Variants in ITPR2 observed in about 807,000 individuals in gnomAD.
ITPR2 encodes the protein inositol 1,4,5-trisphosphate receptor type 2, also known as inositol 1,4,5-trisphosphate-gated calcium channel ITPR2.
A neutral mutation model predicts 317.1 loss-of-function variants in ITPR2; 207 were observed. That is an observed-to-expected ratio of 0.65 (90% confidence interval 0.58 to 0.73). The LOEUF (loss-of-function observed/expected upper bound fraction) is 0.73, where lower values mean the gene tolerates loss of function less well. Ranked by LOEUF, ITPR2 falls within the 30% of genes least tolerant of loss-of-function variation. The pLI is 0.00. For synonymous variants in ITPR2, 1,156 were observed against 1,149.1 expected, an observed-to-expected ratio of 1.01 and a Z score of -0.12; for missense variants, 2,613 against 3,284.0, an observed-to-expected ratio of 0.80 and a Z score of 4.99.
intron 21 of ITPR2, among the ~76,000 whole-genome samples, chr12:26,646,126 G>C (rs553668922): frequency 6.6e-6 from 1 of 151,842 alleles, no homozygotes; most frequent in Non-Finnish European, 1.5e-5. Flanking sequence ...AGGTTGTTTT[G>C]CAACACACAT....
intron 26 of ITPR2, among the ~76,000 whole-genome samples, chr12:26,614,633 G>A (rs1386036119): frequency 6.6e-6 from 1 of 152,154 alleles, no homozygotes; most frequent in Non-Finnish European, 1.5e-5. Context: ...AACAAAAAAT[G>A]AGGCATTAAA....
intron 37 of ITPR2, among the ~76,000 whole-genome samples, chr12:26,499,773 G>A (rs148165768): frequency 2.5e-4 from 38 of 152,212 alleles, no homozygotes; most frequent in African/African-American, 8.9e-4. Context: ...AATAATAAAT[G>A]ATAAACTGCC....
intron 13 of ITPR2, among the ~76,000 whole-genome samples, chr12:26,680,561 T>C (rs1309885221): frequency 1.3e-5 from 2 of 152,150 alleles, no homozygotes; most frequent in South Asian, 4.2e-4. Flanking sequence ...CAGAAACTGA[T>C]AGATAAAATC....
At chr12:26,373,145 C>T (rs560556310) in intron 55 of ITPR2, among the ~76,000 whole-genome samples, 7 of 152,348 alleles carry the variant, frequency 4.6e-5, no homozygotes, top group Non-Finnish European at 1.0e-4. Flanking sequence ...CACTCTAAAA[C>T]TCCTGTCCCA....
At chr12:26,428,311 A>C (rs1444198777) in intron 48 of ITPR2, among the ~76,000 whole-genome samples, 2 of 152,152 alleles carry the variant, frequency 1.3e-5, no homozygotes, top group Non-Finnish European at 2.9e-5. Flanking sequence ...CTACTTAAAT[A>C]CTCACTAGTT....
chr12:26,606,505 A>G (rs1314255972), intron 26 of ITPR2, among the ~76,000 whole-genome samples: 5 of 151,948 alleles, frequency 3.3e-5, no homozygotes, highest in Admixed American at 2.6e-4. Context: ...CTAGGCAGAG[A>G]AACAAAGAGT....
intron 37 of ITPR2, among the ~76,000 whole-genome samples, chr12:26,526,500 T>C (rs547334137): frequency 2.6e-5 from 4 of 152,174 alleles, no homozygotes; most frequent in African/African-American, 9.7e-5. Flanking sequence ...GCCCAAGTTG[T>C]GTTGTGCAGG....
chr12:26,457,604 G>A (rs187637273), intron 45 of ITPR2, among the ~76,000 whole-genome samples: 1 of 152,314 alleles, frequency 6.6e-6, no homozygotes, highest in Non-Finnish European at 1.5e-5. Flanking sequence ...CCAGGTGAAA[G>A]ATGGTGCTGG....
chr12:26,606,792 G>A (rs1048192995), intron 26 of ITPR2, among the ~76,000 whole-genome samples: 2 of 152,084 alleles, frequency 1.3e-5, no homozygotes, highest in Admixed American at 6.6e-5. Flanking sequence ...AAAATTATTA[G>A]TTGGGCATGG....
intron 39 of ITPR2, 44 bp from the exon 40 acceptor site, chr12:26,487,295 C>T: frequency 7.0e-7 from 1 of 1,429,464 alleles, no homozygotes; most frequent in Middle Eastern, 1.9e-4. Flanking sequence ...CAAGGGGAGA[C>T]AAATGGTGTT....
intron 49 of ITPR2, among the ~76,000 whole-genome samples, chr12:26,426,146 T>C (rs2136699375): frequency 6.6e-6 from 1 of 152,362 alleles, no homozygotes; most frequent in East Asian, 1.9e-4. Flanking sequence ...GATTATTATT[T>C]TTGGCCCATC....
chr12:26,475,349 C>A lies in ITPR2; in HGVS notation c.6289G>T (p.Asp2097Tyr), dbSNP rs759365541. ...CCAACATCTTTTGGAGAAACACCAT[C>A]ATCTCCACCCTCATCATCCCCATGG... ...CDHGDDEGGD[D>Y]GVSPKDVGHN... Residue 2097 changes from aspartate to tyrosine, a missense_variant, in exon 45 of 57, where the codon GAT (aspartate) becomes TAT (tyrosine). Around this residue, in one of 9 missense-constraint regions of ITPR2, gnomAD observed 926 missense variants for 1,072.8 expected, o/e 0.86. Transcript: ENST00000381340. 2 of 1,613,552 alleles carry A rather than the reference C, an allele frequency of 1.2e-6. No individual in the cohort carries two copies. Among genetic ancestry groups the A allele is most frequent in the South Asian group, 2.2e-5 (2 of 91,074 alleles).
At chr12:26,735,921 G>A (rs1020929509) in intron 2 of ITPR2, among the ~76,000 whole-genome samples, 2 of 152,184 alleles carry the variant, frequency 1.3e-5, no homozygotes, top group Non-Finnish European at 2.9e-5. Flanking sequence ...CCTCTTTTTA[G>A]CCCCACGCTG....
chr12:26,498,763 C>A (rs1466649402), intron 37 of ITPR2, among the ~76,000 whole-genome samples: 1 of 152,164 alleles, frequency 6.6e-6, no homozygotes, highest in African/African-American at 2.4e-5. Flanking sequence ...TGAAAGGGAA[C>A]CTATTGTGAA....
intron 1 of ITPR2, among the ~76,000 whole-genome samples, chr12:26,819,500 C>G (rs1398514471): frequency 6.6e-6 from 1 of 152,166 alleles, no homozygotes. Context: ...CCTATTCTAT[C>G]TTTCTAAAGT....
chr12:26,578,570 G>T, intron 34 of ITPR2, 143 bp downstream of exon 34: 2 of 607,086 alleles, frequency 3.3e-6, no homozygotes, highest in Non-Finnish European at 5.5e-6. Flanking sequence ...AGAATCATTT[G>T]CTGATGGCTG....
chr12:26,761,563 G>T (rs575384757), intron 2 of ITPR2, among the ~76,000 whole-genome samples: 2 of 152,356 alleles, frequency 1.3e-5, no homozygotes, highest in East Asian at 1.9e-4. Flanking sequence ...GGAAGTGGAG[G>T]TGAGAGAATC....
intron 39 of ITPR2, among the ~76,000 whole-genome samples, chr12:26,492,931 A>G (rs372209084): frequency 0.11 from 15,701 of 145,912 alleles, 916 homozygotes; most frequent in South Asian, 0.16. Context: ...ATATATATAT[A>G]TATATATATA....
rs1565574396 is a variant in ITPR2, at chr12:26,516,245, A to AGGAAGGGAAG, written c.5074-20986_5074-20985insCTTCCCTTCC. 4.5e-4 allele frequency among the ~76,000 whole-genome samples: 13 copies of AGGAAGGGAAG among 29,024 alleles called. 1 individual carries two copies. The highest frequency in any genetic ancestry group is 9.7e-4 in the Non-Finnish European group (11 of 11,366). 19.0% of individuals were successfully genotyped at this position (29,024 alleles called of 152,430 possible). ...AGGAAAGGAAAGGAAAGGAAAGGAA[A>AGGAAGGGAAG]GGAAAGGAAAGGAAAGGAAAGGAAA... On this transcript the variant is annotated intron_variant, in intron 37 of 56. Transcript: ENST00000381340.
Sources: allele counts gnomAD v4.1 joint callset (sites outside exome capture counted in the v4.1 genomes callset), GRCh38; gene constraint gnomAD v4.1.1; regional missense constraint gnomAD v4.1.1; transcripts MANE v1.5; gene names NCBI Gene and HGNC (gene_info 2026-07-23, HGNC 2026-07-21).